Variants in VWF observed in about 807,000 individuals in gnomAD.
VWF encodes the protein Factor VIII related antigen.
Under a neutral mutation model 308.6 loss-of-function variants are expected in VWF, and 176 were observed. The observed-to-expected ratio is 0.57, with a 90% CI of 0.50 to 0.65. The LOEUF is 0.65. Among genes scored for constraint, VWF ranks in the 30% least tolerant of loss-of-function variants. The pLI, the probability that VWF is intolerant of heterozygous loss-of-function variation, is 0.00. For synonymous variants in VWF, 1,385 were observed against 1,443.4 expected (o/e 0.96, Z 0.92); for missense variants, 3,146 against 3,648.2 (o/e 0.86, Z 3.55).
chr12:6,000,002 TGAA>T (rs1360546366), intron 34 of VWF, among the ~76,000 whole-genome samples: 2 of 149,776 alleles, frequency 1.3e-5, no homozygotes, highest in Non-Finnish European at 3.0e-5. Flanking sequence ...AATGAGTTAA[TGAA>T]GAAAGTATAA....
At chr12:6,121,712 C>T (rs529913649) in intron 2 of VWF, among the ~76,000 whole-genome samples, 45 of 152,278 alleles carry the variant, frequency 3.0e-4, no homozygotes, top group African/African-American at 9.6e-4. Flanking sequence ...GGGCAGATCA[C>T]CTGAGGTCAG....
At chr12:6,103,425 T>TACACACGTGTGTGTATAC (rs1565391002) in intron 5 of VWF, among the ~76,000 whole-genome samples, 15 of 118,154 alleles carry the variant, frequency 1.3e-4, no homozygotes, top group Non-Finnish European at 2.4e-4. Flanking sequence ...CGTGTGTGTA[T>TACACACGTGTGTGTATAC]ACACACGTGT....
chr12:6,082,354 G>A (rs1259927600), intron 6 of VWF, among the ~76,000 whole-genome samples: 2 of 152,116 alleles, frequency 1.3e-5, no homozygotes, highest in Non-Finnish European at 2.9e-5. Context: ...TATCTAATAT[G>A]GTAAGTATCA....
At chr12:6,093,652 A>G (rs11836843) in intron 6 of VWF, among the ~76,000 whole-genome samples, 18,080 of 152,242 alleles carry the variant, frequency 0.12, 1,590 homozygotes, top group African/African-American at 0.25. Context: ...TGTTCCCCAC[A>G]GGAGTCCAGC....
chr12:6,101,045 A>T (rs1945156529), intron 5 of VWF, among the ~76,000 whole-genome samples: 1 of 152,202 alleles, frequency 6.6e-6, no homozygotes, highest in African/African-American at 2.4e-5. Flanking sequence ...AGATAATAAG[A>T]AAAATAATAG....
At chr12:5,969,082 G>A in intron 45 of VWF, 129 bp downstream of exon 45, 2 of 1,022,610 alleles carry the variant, frequency 2.0e-6, no homozygotes, top group Non-Finnish European at 3.0e-6. Flanking sequence ...AGTAGGAGCA[G>A]ATGGGAAGAT....
intron 43 of VWF, among the ~76,000 whole-genome samples, chr12:5,975,076 C>T (rs1943518866): frequency 6.6e-6 from 1 of 152,182 alleles, no homozygotes; most frequent in Non-Finnish European, 1.5e-5. Context: ...TAGTGTTTCC[C>T]ACAGGAACAC....
intron 6 of VWF, among the ~76,000 whole-genome samples, chr12:6,092,622 T>TGAGAGTGAGAGAGA (rs1403649370): frequency 3.3e-5 from 3 of 91,492 alleles, no homozygotes; most frequent in African/African-American, 1.6e-4. Flanking sequence ...AGTGAGAGTG[T>TGAGAGTGAGAGAGA]GTGTGTGTGT....
At chr12:6,110,183 C>T (rs1945290737) in intron 5 of VWF, among the ~76,000 whole-genome samples, 191 bp downstream of exon 5, 1 of 152,098 alleles carries the variant, frequency 6.6e-6, no homozygotes, top group Admixed American at 6.6e-5. Flanking sequence ...CTTTGAGGAG[C>T]TCTAAGACCT....
chr12:6,108,780 GA>G (rs763930932), intron 5 of VWF, among the ~76,000 whole-genome samples: 5 of 152,012 alleles, frequency 3.3e-5, no homozygotes, highest in Non-Finnish European at 7.4e-5. Flanking sequence ...AGGAGTTGGA[GA>G]CCACCCTGGC....
At chr12:5,979,262 G>A (rs1043650046) in intron 42 of VWF, among the ~76,000 whole-genome samples, 2 of 152,316 alleles carry the variant, frequency 1.3e-5, no homozygotes, top group South Asian at 2.1e-4. Context: ...TTTCTTACGG[G>A]AGAATTCCAG....
chr12:5,991,794 G>A (rs1310547936), intron 38 of VWF, 25 bp downstream of exon 38: 1 of 1,612,280 alleles, frequency 6.2e-7, no homozygotes. Flanking sequence ...CAGCCCCATG[G>A]GAAGTGAAAG....
At position 6,018,659 on chromosome 12, in the gene VWF, C is replaced by A; in HGVS notation, c.4759G>T (p.Asp1587Tyr). Residue 1587 changes from aspartate to tyrosine, a missense_variant, in exon 28 of 52, where the codon GAC (aspartate) becomes TAC (tyrosine). By Grantham distance (160) the Asp-to-Tyr change is radical. Around this residue, in one of 3 missense-constraint regions of VWF, gnomAD observed 853 missense variants for 1,177.8 expected, o/e 0.72. Transcript: ENST00000261405. ...NTGLALRYLS[D>Y]HSFLVSQGDR... ...CCCTGGCTGACCAAGAAGCTGTGGT[C>A]AGAGAGGTACCGCAGGGCCAGCCCA... 1 of 1,613,970 alleles carries A rather than the reference C, an allele frequency of 6.2e-7. No individual in the cohort carries two copies. The highest frequency in any genetic ancestry group is 8.5e-7 in the Non-Finnish European group (1 of 1,179,900).
intron 34 of VWF, among the ~76,000 whole-genome samples, chr12:5,997,648 T>C (rs1007892300): frequency 6.6e-6 from 1 of 152,236 alleles, no homozygotes; most frequent in Non-Finnish European, 1.5e-5. Flanking sequence ...ATGACTCACA[T>C]GTGCATGTTT....
Position 6,036,444 on chromosome 12 carries a change from G to C in VWF, c.2490C>G (p.Phe830Leu), listed in dbSNP as rs750911635. ...RCVALERCPC[F>L]HQGKEYAPGE... The stretch of plus-strand genomic sequence containing the variant: ...CAGGGGCATACTCCTTGCCCTGATG[G>C]AAGCAGGGACACCTTTCCAGGGCCA... The change falls in exon 19 of 52, where the codon TTC (phenylalanine) becomes TTG (leucine). Residue 830 changes from phenylalanine (F) to leucine (L), a missense_variant. Around this residue, in one of 3 missense-constraint regions of VWF, gnomAD observed 1,304 missense variants for 1,353.0 expected, o/e 0.96. Transcript: ENST00000261405. 6 of 1,614,238 alleles carry C rather than the reference G, an allele frequency of 3.7e-6. No individual in the cohort carries two copies.
Position 6,060,084 on chromosome 12 carries a change from A to C in VWF, c.1534-2040T>G, listed in dbSNP as rs114264011. On this transcript the variant is annotated intron_variant, in intron 13 of 51. Coordinates refer to ENST00000261405, the MANE Select transcript of VWF (RefSeq NM_000552.5). This position sits in a 1 kb window ranked among gnomAD's most constrained non-coding sequence, Gnocchi z 5.1. ...ATCCCCTTGGCTTGTCTCGGAGGTC[A>C]GCTCGGCCAGGGTTAGGAGAGTGGG... Among the ~76,000 whole-genome samples the C allele has an allele frequency of 0.015, 2,301 of 152,002 alleles. 58 individuals are homozygous for C. The highest frequency in any genetic ancestry group is 0.052 in the African/African-American group (2,135 of 41,456).
At chr12:6,044,544 A>T in intron 17 of VWF, 93 bp from the exon 18 acceptor site, 1 of 1,481,764 alleles carries the variant, frequency 6.7e-7, no homozygotes, top group South Asian at 1.2e-5. Context: ...TCTGTGACTA[A>T]ATTCAAGAGA....
At position 5,981,912 on chromosome 12, in the gene VWF, C is replaced by T; in HGVS notation, c.7161G>A (p.Gln2387=). ...AGGCACACTCATACTCATCACAGCA[C>T]TGGGTCTTCCGAAGGGTGGGCAAAC... ...PHRLPTLRKT[Q]CCDEYECACN... The change falls in exon 42 of 52, where the codon CAG becomes CAA. Residue 2387 remains glutamine, a synonymous_variant. Coordinates refer to ENST00000261405, the MANE Select transcript of VWF (RefSeq NM_000552.5). The T allele has an allele frequency of 6.8e-7, 1 of 1,472,830 alleles. No individual in the cohort carries two copies. The highest frequency in any genetic ancestry group is 9.2e-7 in the Non-Finnish European group (1 of 1,092,010). 91.2% of individuals were successfully genotyped at this position (1,472,830 alleles called of 1,614,324 possible). A position where few individuals can be genotyped will look rare whatever the true frequency, so the allele number is the denominator to read the frequency against.
intron 18 of VWF, among the ~76,000 whole-genome samples, chr12:6,036,985 G>A (rs2136432686): frequency 6.6e-6 from 1 of 152,304 alleles, no homozygotes. Flanking sequence ...TAAATCCATT[G>A]AGGAATCACC....
Sources: allele counts gnomAD v4.1 joint callset (sites outside exome capture counted in the v4.1 genomes callset), GRCh38; gene constraint gnomAD v4.1.1; regional missense constraint gnomAD v4.1.1; non-coding constraint Gnocchi (gnomAD v3.1); transcripts MANE v1.5; gene names NCBI Gene and HGNC (gene_info 2026-07-23, HGNC 2026-07-21).